The following CRACD variants were observed in gnomAD, a reference collection of about 807,000 sequenced individuals.
CRACD encodes the protein capping protein inhibiting regulator of actin dynamics.
In CRACD, 56 loss-of-function variants were observed where a neutral mutation model predicts 106.8. That is an observed-to-expected ratio of 0.52 (90% CI 0.42 to 0.66). CRACD has a LOEUF of 0.66. Among genes scored for constraint, CRACD ranks in the 30% least tolerant of loss-of-function variants. The pLI, the probability that CRACD is intolerant of heterozygous loss-of-function variation, is 0.00. For missense variants in CRACD, 1,730 were observed against 1,623.2 expected, an observed-to-expected ratio of 1.07 and a Z score of -1.13; for synonymous variants, 754 against 670.8, an observed-to-expected ratio of 1.12 and a Z score of -1.92.
At chr4:56,273,447 C>G (rs1360348470) in intron 3 of CRACD, among the ~76,000 whole-genome samples, 2 of 149,806 alleles carry the variant, frequency 1.3e-5, no homozygotes, top group Non-Finnish European at 3.0e-5. Context: ...TCTTTCTTTC[C>G]CCGCCTCTTA....
chr4:56,261,477 A>G (rs1477278930), intron 2 of CRACD, among the ~76,000 whole-genome samples: 3 of 149,490 alleles, frequency 2.0e-5, no homozygotes, highest in Non-Finnish European at 4.4e-5. Flanking sequence ...CAGCCTCCCC[A>G]GTAGCTTGGA....
At chr4:56,171,309 A>G (rs1019952983) in intron 1 of CRACD, among the ~76,000 whole-genome samples, 1 of 152,190 alleles carries the variant, frequency 6.6e-6, no homozygotes, top group Non-Finnish European at 1.5e-5. Flanking sequence ...CTGACGAGGA[A>G]CAGATACTTA....
intron 1 of CRACD, among the ~76,000 whole-genome samples, chr4:56,081,054 C>T (rs1733005500): frequency 6.6e-6 from 1 of 152,182 alleles, no homozygotes; most frequent in East Asian, 1.9e-4. Flanking sequence ...ATGGAGGTCT[C>T]ACTATGTTGC....
intron 1 of CRACD, among the ~76,000 whole-genome samples, chr4:56,102,731 G>A (rs936955819): frequency 1.2e-4 from 18 of 152,204 alleles, no homozygotes; most frequent in African/African-American, 4.1e-4. Context: ...GTTTAACATC[G>A]TCTGCTGGAT....
chr4:56,200,750 GAA>G (rs1737844526), intron 2 of CRACD, among the ~76,000 whole-genome samples: 2 of 152,128 alleles, frequency 1.3e-5, no homozygotes, highest in Admixed American at 6.6e-5. Context: ...AGAAAGTGTA[GAA>G]AGTTCGCCTA....
intron 2 of CRACD, among the ~76,000 whole-genome samples, chr4:56,188,355 C>T (rs971247045): frequency 6.6e-6 from 1 of 151,952 alleles, no homozygotes; most frequent in Non-Finnish European, 1.5e-5. Context: ...ACATAGTTTA[C>T]CAAGGCTTGA....
Position 56,087,104 on chromosome 4 carries a change from C to T in CRACD, c.-336+37805C>T, listed in dbSNP as rs118063225. On this transcript the variant is annotated intron_variant, in intron 1 of 10. Coordinates refer to ENST00000682029, the MANE Select transcript of CRACD (RefSeq NM_001393381.1). ...TGGACTCACTACAACCTCCGCCTCC[C>T]GGGTTTAAGCAACTCTCCCTGCCTC... is the stretch of plus-strand genomic sequence containing the variant. Among the ~76,000 whole-genome samples, 444 of 152,206 alleles carry T rather than the reference C, an allele frequency of 2.9e-3. 18 individuals carry two copies. The East Asian group carries it at 0.064, about 22-fold the overall frequency.
rs1234287655 is a variant in CRACD at position 56,323,491 on chromosome 4, G to C, written c.3302G>C (p.Arg1101Pro). The change falls in exon 9 of 11, where the codon CGG becomes CCG. Residue 1101 changes from arginine (R) to proline (P), a missense_variant. Physicochemically the swap from Arg to Pro is moderately radical, Grantham distance 103. This residue lies in a region of CRACD where 1,620 missense variants were observed against 1,481.6 expected (regional missense o/e 1.09). Coordinates refer to ENST00000682029, the MANE Select transcript of CRACD (RefSeq NM_001393381.1). ...TLALQKQKGF[R>P]EQQATREERK... Reference sequence around the variant, plus strand: ...GCACTGCAAAAGCAAAAGGGGTTTCGGGAGCAGCAGGCGACGCGGGAGGAG... The same window carrying C: ...GCACTGCAAAAGCAAAAGGGGTTTCCGGAGCAGCAGGCGACGCGGGAGGAG... 6.2e-7 allele frequency: 1 copy of C among 1,609,300 alleles called. No homozygotes were observed.
chr4:56,083,726 A>G (rs2109811368), intron 1 of CRACD, among the ~76,000 whole-genome samples: 1 of 152,276 alleles, frequency 6.6e-6, no homozygotes, highest in African/African-American at 2.4e-5. Context: ...TAGAATCCCA[A>G]CACTTTGGGA....
intron 3 of CRACD, among the ~76,000 whole-genome samples, chr4:56,275,310 C>T (rs953066904): frequency 2.0e-5 from 3 of 152,072 alleles, no homozygotes; most frequent in African/African-American, 4.8e-5. Flanking sequence ...AGAAACACAG[C>T]AAGGTGTGGC....
intron 1 of CRACD, among the ~76,000 whole-genome samples, chr4:56,159,131 A>G (rs1278430175): frequency 6.6e-6 from 1 of 152,268 alleles, no homozygotes; most frequent in Non-Finnish European, 1.5e-5. Flanking sequence ...ATAAAGTTAT[A>G]GAAAGGAAGG....
chr4:56,312,486 A>G (rs1745227072), intron 6 of CRACD, among the ~76,000 whole-genome samples: 1 of 152,200 alleles, frequency 6.6e-6, no homozygotes, highest in Non-Finnish European at 1.5e-5. Context: ...TTTGTCGATC[A>G]GGAATTTCGT....
intron 2 of CRACD, among the ~76,000 whole-genome samples, chr4:56,185,511 C>T (rs1737050269): frequency 6.6e-6 from 1 of 152,232 alleles, no homozygotes; most frequent in Middle Eastern, 3.4e-3. Context: ...TATTACCAAT[C>T]ATTTATTTTT....
chr4:56,086,870 C>T (rs1336190992), intron 1 of CRACD, among the ~76,000 whole-genome samples: 1 of 152,136 alleles, frequency 6.6e-6, no homozygotes, highest in African/African-American at 2.4e-5. Flanking sequence ...CTCAGGCAGG[C>T]ACATCTGAGA....
intron 1 of CRACD, among the ~76,000 whole-genome samples, chr4:56,081,797 G>A (rs10021374): frequency 8.1e-4 from 124 of 152,170 alleles, no homozygotes; most frequent in African/African-American, 2.9e-3. Context: ...CCAACATGGC[G>A]AAACCCCATC....
intron 1 of CRACD, among the ~76,000 whole-genome samples, chr4:56,139,761 A>G (rs1735129564): frequency 6.6e-6 from 1 of 152,194 alleles, no homozygotes; most frequent in Non-Finnish European, 1.5e-5. Context: ...TTCTTACTTA[A>G]GAGAAAAAAA....
intron 3 of CRACD, among the ~76,000 whole-genome samples, chr4:56,296,813 A>G (rs571757613): frequency 3.3e-4 from 50 of 152,234 alleles, no homozygotes; most frequent in East Asian, 1.2e-3. Flanking sequence ...TCTTTCCCAG[A>G]GATAAGTTAG....
At chr4:56,059,482 A>T (rs905937496) in intron 1 of CRACD, among the ~76,000 whole-genome samples, 2 of 152,212 alleles carry the variant, frequency 1.3e-5, no homozygotes, top group Admixed American at 6.5e-5. Flanking sequence ...TCTCAAAAAA[A>T]GAAAAGAAAA....
chr4:56,212,783 A>G (rs1454422754), intron 2 of CRACD, among the ~76,000 whole-genome samples: 5 of 152,158 alleles, frequency 3.3e-5, no homozygotes, highest in Non-Finnish European at 7.4e-5. Context: ...CCCCTGCAAT[A>G]TTGCCATTTA....
Sources: gnomAD v4.1 joint callset for allele counts (sites outside exome capture counted in the v4.1 genomes callset) on GRCh38, gnomAD v4.1.1 for gene constraint, gnomAD v4.1.1 regional missense constraint, MANE v1.5 for transcripts, NCBI Gene and HGNC (gene_info 2026-07-23, HGNC 2026-07-21) for gene names.